The following PC variants were observed in gnomAD, a reference collection of about 807,000 sequenced individuals.
The protein encoded by PC is pyruvate carboxylase, mitochondrial.
In PC, 46 loss-of-function variants were observed where a neutral mutation model predicts 107.8. The ratio of observed to expected loss-of-function variants is 0.43; its 90% CI spans 0.34 to 0.55. PC has a LOEUF of 0.55. Among genes scored for constraint, PC ranks in the 20% least tolerant of loss-of-function variants. The probability of loss-of-function intolerance (pLI) is 0.04; values close to 1 mark genes in which losing one functional copy is unlikely to be tolerated. For synonymous variants in PC, 662 were observed against 684.7 expected, an observed-to-expected ratio of 0.97 and a Z score of 0.52; for missense variants, 1,241 against 1,643.1, an observed-to-expected ratio of 0.76 and a Z score of 4.23.
chr11:66,925,645 G>A (rs1035600552), intron 3 of PC, among the ~76,000 whole-genome samples: 4 of 151,430 alleles, frequency 2.6e-5, no homozygotes, highest in African/African-American at 9.7e-5. Context: ...GTCCTGAGGC[G>A]ACATACATCC....
intron 3 of PC, among the ~76,000 whole-genome samples, chr11:66,886,239 T>A (rs969557663): frequency 6.6e-6 from 1 of 150,386 alleles, no homozygotes; most frequent in Admixed American, 6.6e-5. Context: ...GAGGTCCAGG[T>A]GCTGGGGCGG....
At chr11:66,910,715 C>G (rs776260581) in intron 3 of PC, among the ~76,000 whole-genome samples, 1 of 152,156 alleles carries the variant, frequency 6.6e-6, no homozygotes, top group Non-Finnish European at 1.5e-5. Flanking sequence ...TCCATGACCC[C>G]TAGAAAGATG....
At position 66,859,780 on chromosome 11, in the gene PC, C is replaced by G. The variant is rs750282231; in HGVS notation, c.1368+3994G>C. 33 of 1,603,336 alleles carry G rather than the reference C, an allele frequency of 2.1e-5. No homozygotes were observed. In the South Asian group the frequency reaches 3.6e-4, roughly 17 times the overall value. On this transcript the variant is annotated intron_variant, in intron 12 of 22. Coordinates refer to ENST00000393960, the MANE Select transcript of PC (RefSeq NM_001040716.2). ...AGGCTGCTGGGCTGTGCCCATTTCT[C>G]CACGCTGCCGGCCTCGCCCCTGTGC...
At chr11:66,899,577 G>A (rs1947878075) in intron 3 of PC, among the ~76,000 whole-genome samples, 1 of 151,802 alleles carries the variant, frequency 6.6e-6, no homozygotes, top group Non-Finnish European at 1.5e-5. Flanking sequence ...ACATTGCCCA[G>A]GCTGGTCTTG....
chr11:66,956,717 A>T (rs1949569265), intron 1 of PC, among the ~76,000 whole-genome samples: 1 of 152,146 alleles, frequency 6.6e-6, no homozygotes, highest in Non-Finnish European at 1.5e-5. Flanking sequence ...TCCTCCACGA[A>T]GCCTTCCCAA....
At position 66,870,916 on chromosome 11, in the gene PC, C is replaced by A. The variant is rs1157673506; in HGVS notation, c.634-24G>T. 6.2e-7 allele frequency: 1 copy of A among 1,607,950 alleles called. No homozygotes were observed. ...TCCTGCGAGGGCGGGCAGGGGCCAG[C>A]CAGACCTCAGACCCCACAGCGCTAC... is the stretch of plus-strand genomic sequence containing the variant. On this transcript the variant is annotated intron_variant, in intron 7 of 22. Coordinates refer to ENST00000393960, the MANE Select transcript of PC (RefSeq NM_001040716.2). The surrounding 1 kb of genome is among the most constrained non-coding windows in gnomAD (Gnocchi z 6.1).
chr11:66,860,378 G>A (rs748607301), intron 12 of PC: 2 of 894,658 alleles, frequency 2.2e-6, no homozygotes, highest in Non-Finnish European at 3.6e-6. Context: ...GTAAGGGCAG[G>A]CCCCTCCAAC....
rs1555016329 is a variant in PC at position 66,851,881 on chromosome 11, G to A, written c.1891C>T (p.Arg631Trp). ...ECPWRRLQEL[R>W]ELIPNIPFQM... ...AAAGGGATGTTGGGGATGAGCTCCCGGAGCTCCTGCAGCCGCCGCCAGGGG... is the reference window on the plus strand; with the variant it reads ...AAAGGGATGTTGGGGATGAGCTCCCAGAGCTCCTGCAGCCGCCGCCAGGGG... Residue 631 changes from arginine (R) to tryptophan (W), a missense_variant, in exon 16 of 23, where the codon CGG becomes TGG. Arg to Trp is a moderately radical substitution (Grantham distance 101). Coordinates refer to ENST00000393960, the MANE Select transcript of PC (RefSeq NM_001040716.2). The A allele has an allele frequency of 1.9e-6, 3 of 1,614,032 alleles. No individual in the cohort carries two copies. Among genetic ancestry groups the A allele is most frequent in the Non-Finnish European group, 1.7e-6 (2 of 1,179,996 alleles).
At chr11:66,855,295 G>A (rs1337000165) in intron 12 of PC, among the ~76,000 whole-genome samples, 2 of 152,228 alleles carry the variant, frequency 1.3e-5, no homozygotes, top group African/African-American at 4.8e-5. Flanking sequence ...CATGGTGGAT[G>A]CTGGTAAACA....
chr11:66,874,998 G>T (rs1229254811), intron 3 of PC, among the ~76,000 whole-genome samples: 1 of 152,180 alleles, frequency 6.6e-6, no homozygotes, highest in African/African-American at 2.4e-5. Context: ...GGAAGAACAG[G>T]CTTGGTGCTG....
At chr11:66,864,881 C>A (rs1946426624) in intron 11 of PC, among the ~76,000 whole-genome samples, 1 of 152,222 alleles carries the variant, frequency 6.6e-6, no homozygotes, top group African/African-American at 2.4e-5. Flanking sequence ...AGTGGGGGGA[C>A]CGCCCAGAGG....
intron 3 of PC, among the ~76,000 whole-genome samples, chr11:66,891,891 GAA>G (rs1947589589): frequency 6.6e-6 from 1 of 152,108 alleles, no homozygotes; most frequent in Non-Finnish European, 1.5e-5. Flanking sequence ...GATTATTACT[GAA>G]GTTGGCTATT....
chr11:66,865,122 C>T (rs1946435810), intron 11 of PC, among the ~76,000 whole-genome samples: 1 of 152,194 alleles, frequency 6.6e-6, no homozygotes, highest in African/African-American at 2.4e-5. Flanking sequence ...GGGCTGCCGC[C>T]ACCTACAGAC....
At chr11:66,919,039 A>C (rs1948531343) in intron 3 of PC, among the ~76,000 whole-genome samples, 1 of 152,180 alleles carries the variant, frequency 6.6e-6, no homozygotes, top group African/African-American at 2.4e-5. Flanking sequence ...TAATCCTGGG[A>C]CTGTGGGCCC....
At chr11:66,880,519 A>T (rs1591214246) in intron 3 of PC, among the ~76,000 whole-genome samples, 1 of 151,888 alleles carries the variant, frequency 6.6e-6, no homozygotes, top group South Asian at 2.1e-4. Context: ...CCTTCCTGAG[A>T]CCCCCAGAAG....
intron 3 of PC, among the ~76,000 whole-genome samples, chr11:66,915,332 C>G (rs1948439971): frequency 6.6e-6 from 1 of 152,180 alleles, no homozygotes; most frequent in Non-Finnish European, 1.5e-5. Flanking sequence ...GATGGGCCAG[C>G]AGGGTTAGGG....
chr11:66,924,950 G>A (rs1387216613), intron 3 of PC, among the ~76,000 whole-genome samples: 4 of 152,130 alleles, frequency 2.6e-5, no homozygotes, highest in Admixed American at 2.6e-4. Flanking sequence ...AAAGCTGGGT[G>A]TCCAGGGGAG....
intron 3 of PC, among the ~76,000 whole-genome samples, chr11:66,915,304 G>A (rs1948439276): frequency 6.6e-6 from 1 of 152,194 alleles, no homozygotes; most frequent in African/African-American, 2.4e-5. Flanking sequence ...TAACCACAGT[G>A]GGAGGGAGGC....
intron 3 of PC, among the ~76,000 whole-genome samples, chr11:66,923,067 G>A (rs1408284401): frequency 6.6e-6 from 1 of 152,190 alleles, no homozygotes; most frequent in African/African-American, 2.4e-5. Flanking sequence ...ATAATGTGGG[G>A]CAAGAAGTCG....
Sources: allele counts gnomAD v4.1 joint callset (sites outside exome capture counted in the v4.1 genomes callset), GRCh38; gene constraint gnomAD v4.1.1; non-coding constraint Gnocchi (gnomAD v3.1); transcripts MANE v1.5; gene names NCBI Gene and HGNC (gene_info 2026-07-23, HGNC 2026-07-21).